Variants in COL19A1 observed in about 807,000 individuals in gnomAD.
COL19A1 encodes the protein collagen alpha-1(XIX) chain.
COL19A1 carries 159 observed loss-of-function variants against 190.2 expected under a neutral mutation model. The ratio of observed to expected loss-of-function variants is 0.84; its 90% CI spans 0.73 to 0.95. The LOEUF (loss-of-function observed/expected upper bound fraction) is 0.95, where lower values mean the gene tolerates loss of function less well. COL19A1 is among the 40% of genes least tolerant of loss of function. The pLI, the probability that COL19A1 is intolerant of heterozygous loss-of-function variation, is 0.00. For synonymous variants in COL19A1, 509 were observed against 458.9 expected (o/e 1.11, Z -1.39); for missense variants, 1,418 against 1,431.9 (o/e 0.99, Z 0.16).
intron 11 of COL19A1, among the ~76,000 whole-genome samples, chr6:70,008,312 A>G (rs1777760882): frequency 6.6e-6 from 1 of 151,970 alleles, no homozygotes; most frequent in South Asian, 2.1e-4. Flanking sequence ...ATCAGGAAAA[A>G]AAAAGGAAAG....
chr6:69,901,087 C>T (rs1770160486), intron 4 of COL19A1, among the ~76,000 whole-genome samples: 1 of 152,130 alleles, frequency 6.6e-6, no homozygotes, highest in African/African-American at 2.4e-5. Context: ...ATAATTATTC[C>T]TGGAGTCCAA....
At chr6:69,951,004 G>C (rs1774094377) in intron 9 of COL19A1, among the ~76,000 whole-genome samples, 1 of 151,666 alleles carries the variant, frequency 6.6e-6, no homozygotes, top group African/African-American at 2.4e-5. Flanking sequence ...CAAATATAGA[G>C]CCTAATTTAT....
chr6:69,903,389 A>G (rs1770313079), intron 4 of COL19A1, among the ~76,000 whole-genome samples: 1 of 152,074 alleles, frequency 6.6e-6, no homozygotes, highest in Admixed American at 6.5e-5. Flanking sequence ...ACTTGTACTC[A>G]GCATACTTCA....
intron 11 of COL19A1, among the ~76,000 whole-genome samples, chr6:70,020,610 T>C (rs1778363441): frequency 6.6e-6 from 1 of 152,182 alleles, no homozygotes; most frequent in Admixed American, 6.6e-5. Flanking sequence ...ATTCATGCTA[T>C]ATATCAGTGG....
At chr6:69,950,490 C>T (rs1024907951) in intron 9 of COL19A1, among the ~76,000 whole-genome samples, 1 of 151,716 alleles carries the variant, frequency 6.6e-6, no homozygotes, top group Non-Finnish European at 1.5e-5. Flanking sequence ...CTAAGAGATT[C>T]GGTAAGTGTT....
chr6:70,022,774 A>G (rs1451421117), intron 11 of COL19A1, among the ~76,000 whole-genome samples: 1 of 152,196 alleles, frequency 6.6e-6, no homozygotes, highest in Non-Finnish European at 1.5e-5. Flanking sequence ...AATAAAATTC[A>G]CAAATGTGAT....
intron 9 of COL19A1, among the ~76,000 whole-genome samples, chr6:69,957,340 A>G (rs1774481686): frequency 6.6e-6 from 1 of 152,116 alleles, no homozygotes; most frequent in Non-Finnish European, 1.5e-5. Flanking sequence ...AAACTTCTCA[A>G]AGAGGTTATT....
At chr6:69,936,715 G>T in intron 7 of COL19A1, 70 bp from the exon 8 acceptor site, 1 of 1,575,600 alleles carries the variant, frequency 6.3e-7, no homozygotes, top group Non-Finnish European at 8.6e-7. Context: ...AGTTTAGTGG[G>T]AGCCAGTGTT....
intron 14 of COL19A1, among the ~76,000 whole-genome samples, chr6:70,061,079 G>A (rs563936692): frequency 1.1e-3 from 164 of 152,204 alleles, no homozygotes; most frequent in African/African-American, 3.6e-3. Flanking sequence ...ATAAGTGATC[G>A]ATAAATCCAC....
intron 25 of COL19A1, among the ~76,000 whole-genome samples, chr6:70,146,207 T>C (rs191291962): frequency 6.6e-6 from 1 of 152,264 alleles, no homozygotes; most frequent in Non-Finnish European, 1.5e-5. Context: ...CCTAGGGCAG[T>C]ATTGTAAAAC....
intron 11 of COL19A1, among the ~76,000 whole-genome samples, chr6:69,972,702 A>C (rs1407467682): frequency 6.6e-6 from 1 of 152,200 alleles, no homozygotes; most frequent in Admixed American, 6.5e-5. Context: ...ACATTAATAT[A>C]TTTAATAGTA....
intron 11 of COL19A1, among the ~76,000 whole-genome samples, chr6:70,018,783 T>C (rs1392389694): frequency 6.6e-6 from 1 of 152,154 alleles, no homozygotes; most frequent in Non-Finnish European, 1.5e-5. Context: ...CTGGAAATCC[T>C]CTGAGGAAGC....
At chr6:69,941,309 A>G (rs1424645381) in intron 9 of COL19A1, among the ~76,000 whole-genome samples, 1 of 152,224 alleles carries the variant, frequency 6.6e-6, no homozygotes, top group Non-Finnish European at 1.5e-5. Flanking sequence ...ACAATACAAT[A>G]TATACACAGC....
chr6:70,185,043 A>G, intron 46 of COL19A1, 128 bp downstream of exon 46: 1 of 779,164 alleles, frequency 1.3e-6, no homozygotes, highest in Non-Finnish European at 2.0e-6. Flanking sequence ...GGTGTAGGCG[A>G]TCAAAGATCT....
intron 36 of COL19A1, among the ~76,000 whole-genome samples, chr6:70,164,740 C>T (rs944088518): frequency 6.6e-6 from 1 of 152,092 alleles, no homozygotes; most frequent in East Asian, 1.9e-4. Flanking sequence ...TTTGTTGACT[C>T]ATTAGAACTA....
chr6:69,934,947 G>A (rs1049315923), intron 7 of COL19A1, among the ~76,000 whole-genome samples: 2 of 151,794 alleles, frequency 1.3e-5, no homozygotes, highest in South Asian at 4.1e-4. Flanking sequence ...TTTTAATGTA[G>A]TTGCTTAAAT....
At chr6:70,064,195 T>A (rs549343418) in intron 14 of COL19A1, among the ~76,000 whole-genome samples, 7 of 152,138 alleles carry the variant, frequency 4.6e-5, no homozygotes, top group Non-Finnish European at 1.0e-4. Flanking sequence ...TTTAGACCAA[T>A]ATCCCAGATG....
At chr6:70,139,225 T>C (rs1387894017) in intron 19 of COL19A1, among the ~76,000 whole-genome samples, 1 of 152,106 alleles carries the variant, frequency 6.6e-6, no homozygotes, top group Non-Finnish European at 1.5e-5. Context: ...TCTGTGTTTC[T>C]CATAAGCTCT....
At chr6:70,171,131 T>C (rs532890997) in intron 40 of COL19A1, among the ~76,000 whole-genome samples, 1 of 152,324 alleles carries the variant, frequency 6.6e-6, no homozygotes, top group Admixed American at 6.5e-5. Flanking sequence ...GTAAACTTTC[T>C]TAAAACATTA....
Sources: allele counts gnomAD v4.1 joint callset (sites outside exome capture counted in the v4.1 genomes callset), GRCh38; gene constraint gnomAD v4.1.1; transcripts MANE v1.5; gene names NCBI Gene and HGNC (gene_info 2026-07-23, HGNC 2026-07-21).